The following NRG3 variants were observed in gnomAD, a reference collection of about 807,000 sequenced individuals.
NRG3 encodes the protein neuregulin 3, also known as pro-neuregulin-3, membrane-bound isoform.
In NRG3, 31 loss-of-function variants were observed where a neutral mutation model predicts 66.9. The observed-to-expected ratio is 0.46, with a 90% CI of 0.35 to 0.63. NRG3 has a LOEUF of 0.63. Ranked by LOEUF, NRG3 falls within the 20% of genes least tolerant of loss-of-function variation. The pLI is 0.00. For missense variants in NRG3, 910 were observed against 878.9 expected, an observed-to-expected ratio of 1.04 and a Z score of -0.45; for synonymous variants, 393 against 359.4, an observed-to-expected ratio of 1.09 and a Z score of -1.06.
chr10:82,803,110 A>G (rs984856795), intron 3 of NRG3, among the ~76,000 whole-genome samples: 1 of 152,302 alleles, frequency 6.6e-6, no homozygotes, highest in East Asian at 1.9e-4. Context: ...ATCTTAAGGG[A>G]GGAATTTTGC....
chr10:81,990,748 T>A (rs1207448899), intron 1 of NRG3, among the ~76,000 whole-genome samples: 1 of 152,144 alleles, frequency 6.6e-6, no homozygotes, highest in Non-Finnish European at 1.5e-5. Context: ...TTATTGGTAT[T>A]TATGCTGAAA....
chr10:82,414,873 G>A (rs1036247813), intron 2 of NRG3, among the ~76,000 whole-genome samples: 2 of 152,154 alleles, frequency 1.3e-5, no homozygotes, highest in Non-Finnish European at 2.9e-5. Flanking sequence ...TTACAGTCTT[G>A]AGGAAGAACT....
intron 1 of NRG3, among the ~76,000 whole-genome samples, chr10:82,167,385 A>G (rs965396024): frequency 1.3e-5 from 2 of 152,096 alleles, no homozygotes; most frequent in African/African-American, 2.4e-5. Flanking sequence ...CTCTCCTTAT[A>G]TATGACTCTC....
At chr10:82,653,537 A>G (rs1180650466) in intron 2 of NRG3, among the ~76,000 whole-genome samples, 2 of 152,168 alleles carry the variant, frequency 1.3e-5, no homozygotes, top group Non-Finnish European at 2.9e-5. Context: ...TGTAGAGAGG[A>G]CATTTCTTCT....
chr10:82,890,212 A>C (rs1843036977), intron 4 of NRG3, among the ~76,000 whole-genome samples: 1 of 151,748 alleles, frequency 6.6e-6, no homozygotes, highest in Admixed American at 6.6e-5. Flanking sequence ...GTGAACATAT[A>C]GAGAAAAATA....
intron 1 of NRG3, among the ~76,000 whole-genome samples, chr10:81,911,344 G>C (rs1305933637): frequency 6.6e-6 from 1 of 152,040 alleles, no homozygotes; most frequent in Non-Finnish European, 1.5e-5. Flanking sequence ...AGCCTGCTAT[G>C]GTGCAAAGCC....
At chr10:82,399,462 T>G (rs146684315) in intron 2 of NRG3, among the ~76,000 whole-genome samples, 1 of 152,328 alleles carries the variant, frequency 6.6e-6, no homozygotes, top group Non-Finnish European at 1.5e-5. Flanking sequence ...CAGAATATTA[T>G]GCATTGGGTA....
Position 81,875,233 on chromosome 10 carries a change from A to T in NRG3, c.-108A>T. 1.7e-6 allele frequency: 1 copy of T among 598,948 alleles called. No homozygotes were observed. Among genetic ancestry groups the T allele is most frequent in the Non-Finnish European group, 2.1e-6 (1 of 482,528 alleles). 37.1% of individuals were successfully genotyped at this position (598,948 alleles called of 1,614,324 possible). A position where few individuals can be genotyped will look rare whatever the true frequency, so the allele number is the denominator to read the frequency against. On this transcript the variant is annotated 5_prime_UTR_variant, in exon 1 of 9. Coordinates refer to ENST00000372141, the MANE Select transcript of NRG3 (RefSeq NM_001010848.4). This position sits in a 1 kb window ranked among gnomAD's most constrained non-coding sequence, Gnocchi z 5.3. ...CCGCCGCGGCCGCTGCCTGCGCCCG[A>T]GCCCGCCGCCGCCGCCGGAGCCCGC...
chr10:82,122,247 C>T (rs1480562830), intron 1 of NRG3, among the ~76,000 whole-genome samples: 2 of 152,124 alleles, frequency 1.3e-5, no homozygotes, highest in African/African-American at 2.4e-5. Flanking sequence ...TTATACCAAA[C>T]TTTTTGCATG....
chr10:82,680,395 A>G (rs1461502667), intron 2 of NRG3, among the ~76,000 whole-genome samples: 2 of 152,242 alleles, frequency 1.3e-5, no homozygotes, highest in Non-Finnish European at 2.9e-5. Context: ...TGCCTGACAC[A>G]TTAAATAACC....
intron 2 of NRG3, among the ~76,000 whole-genome samples, chr10:82,535,523 G>C (rs533412549): frequency 6.6e-6 from 1 of 152,252 alleles, no homozygotes; most frequent in South Asian, 2.1e-4. Context: ...GAAGGTTGTA[G>C]AATCTCTGAG....
chr10:82,445,834 TTTCATTACAC>T (rs2090692734), intron 2 of NRG3, among the ~76,000 whole-genome samples: 1 of 152,228 alleles, frequency 6.6e-6, no homozygotes. Flanking sequence ...AAAAGTCTCA[TTTCATTACAC>T]TGGGTAAAGG....
intron 3 of NRG3, among the ~76,000 whole-genome samples, chr10:82,830,589 G>A (rs2062466454): frequency 1.3e-5 from 2 of 151,860 alleles, no homozygotes; most frequent in Admixed American, 6.6e-5. Flanking sequence ...TTTATTCAGT[G>A]TAGTTTCCTC....
At chr10:82,049,762 TGC>T (rs2063501013) in intron 1 of NRG3, among the ~76,000 whole-genome samples, 5 of 151,884 alleles carry the variant, frequency 3.3e-5, no homozygotes, top group African/African-American at 1.2e-4. Flanking sequence ...TATCAATAGC[TGC>T]AATAGATGGA....
At chr10:82,780,484 T>TC (rs1182679559) in intron 3 of NRG3, among the ~76,000 whole-genome samples, 1 of 149,386 alleles carries the variant, frequency 6.7e-6, no homozygotes, top group African/African-American at 2.5e-5. Flanking sequence ...TCTTTTCTTT[T>TC]TTTTTTTTTT....
At chr10:82,895,626 G>A (rs1373716579) in intron 4 of NRG3, among the ~76,000 whole-genome samples, 3 of 151,906 alleles carry the variant, frequency 2.0e-5, no homozygotes, top group Non-Finnish European at 4.4e-5. Context: ...GAGCAGCTGG[G>A]ACTGCAGGCA....
intron 1 of NRG3, among the ~76,000 whole-genome samples, chr10:81,880,330 G>A (rs143429038): frequency 2.7e-3 from 404 of 152,016 alleles, no homozygotes; most frequent in Middle Eastern, 0.01. Flanking sequence ...TTAATTGAGA[G>A]TCCCTTCTGC....
chr10:82,885,207 A>G (rs574167458), intron 4 of NRG3, among the ~76,000 whole-genome samples: 29 of 152,338 alleles, frequency 1.9e-4, no homozygotes, highest in Admixed American at 3.3e-4. Context: ...ATGGTTATGT[A>G]TATATTTTAC....
At chr10:82,637,868 A>T (rs566849713) in intron 2 of NRG3, among the ~76,000 whole-genome samples, 18 of 152,210 alleles carry the variant, frequency 1.2e-4, no homozygotes, top group African/African-American at 4.1e-4. Flanking sequence ...ATTCGATGAT[A>T]GCAATGCGGT....
Sources: gnomAD v4.1 joint callset for allele counts (sites outside exome capture counted in the v4.1 genomes callset) on GRCh38, gnomAD v4.1.1 for gene constraint, Gnocchi (gnomAD v3.1) non-coding constraint, MANE v1.5 for transcripts, NCBI Gene and HGNC (gene_info 2026-07-23, HGNC 2026-07-21) for gene names.